EVL: variants seen among roughly 807,000 people sequenced by gnomAD.
The protein encoded by EVL is Enah/Vasp-like.
EVL carries 21 observed loss-of-function variants against 59.6 expected under a neutral mutation model. That is an observed-to-expected ratio of 0.35 (90% CI 0.25 to 0.51). The LOEUF (loss-of-function observed/expected upper bound fraction) is 0.51. EVL is among the 20% of genes least tolerant of loss of function. EVL has a pLI of 0.97. For synonymous variants in EVL, 198 were observed against 203.5 expected (o/e 0.97, Z 0.23); for missense variants, 462 against 546.6 (o/e 0.85, Z 1.54).
At chr14:100,137,542 C>G (rs756557917) in intron 9 of EVL, 36 bp from the exon 10 acceptor site, 1 of 1,610,326 alleles carries the variant, frequency 6.2e-7, no homozygotes, top group Non-Finnish European at 8.5e-7. Context: ...AGTCCCTTCA[C>G]CTGTGAGGTT....
chr14:99,994,538 A>G (rs1293215562), intron 1 of EVL, among the ~76,000 whole-genome samples: 9 of 134,736 alleles, frequency 6.7e-5, no homozygotes, highest in Non-Finnish European at 3.4e-5. Flanking sequence ...TGTTGCGTTA[A>G]AAACTCTACT....
chr14:100,082,386 A>T (rs1234467431), intron 1 of EVL, among the ~76,000 whole-genome samples: 2 of 151,928 alleles, frequency 1.3e-5, no homozygotes, highest in Non-Finnish European at 2.9e-5. Flanking sequence ...TGGCGAGGGG[A>T]CTGGTAGCTT....
chr14:99,984,245 G>A (rs955920048), intron 1 of EVL, among the ~76,000 whole-genome samples: 2 of 152,168 alleles, frequency 1.3e-5, no homozygotes, highest in Non-Finnish European at 2.9e-5. Context: ...CCTTACTGCT[G>A]CCATAAGACA....
upstream of EVL, among the ~76,000 whole-genome samples, chr14:100,061,354 G>T (rs1419228485): frequency 7.7e-6 from 1 of 130,296 alleles, no homozygotes; most frequent in Non-Finnish European, 1.6e-5. Flanking sequence ...GGCAGAGGTT[G>T]CAGTGAGCTG....
chr14:99,978,753 T>C (rs1359351370), intron 1 of EVL, among the ~76,000 whole-genome samples: 1 of 152,232 alleles, frequency 6.6e-6, no homozygotes, highest in Non-Finnish European at 1.5e-5. Context: ...AAAATGAAAG[T>C]AACGTATTAT....
chr14:100,091,167 C>T (rs2062556742), intron 2 of EVL, among the ~76,000 whole-genome samples: 1 of 152,160 alleles, frequency 6.6e-6, no homozygotes, highest in Non-Finnish European at 1.5e-5. Flanking sequence ...CTCTCTCTGC[C>T]TTTCTCCTGC....
At chr14:100,093,482 G>A (rs1412563115) in intron 2 of EVL, among the ~76,000 whole-genome samples, 1 of 152,086 alleles carries the variant, frequency 6.6e-6, no homozygotes, top group East Asian at 1.9e-4. Context: ...TGTCTTCAAA[G>A]CAGTCATAGA....
intron 9 of EVL, among the ~76,000 whole-genome samples, chr14:100,136,858 G>A (rs2140400918): frequency 6.6e-6 from 1 of 152,288 alleles, no homozygotes; most frequent in East Asian, 1.9e-4. Flanking sequence ...GTGCAAAGTG[G>A]TTTGCTCAAG....
chr14:100,072,445 G>A (rs989472642), intron 1 of EVL, among the ~76,000 whole-genome samples: 12 of 152,188 alleles, frequency 7.9e-5, no homozygotes, highest in Admixed American at 5.2e-4. Flanking sequence ...ATGTTGGCCA[G>A]GCTGATCTCG....
At chr14:100,098,525 G>A (rs1885976814) in intron 3 of EVL, among the ~76,000 whole-genome samples, 1 of 152,230 alleles carries the variant, frequency 6.6e-6, no homozygotes, top group South Asian at 2.1e-4. Flanking sequence ...GATACTTAGG[G>A]TAGACATTGG....
At chr14:100,002,577 A>G (rs903616592) in intron 1 of EVL, among the ~76,000 whole-genome samples, 24 of 152,220 alleles carry the variant, frequency 1.6e-4, no homozygotes, top group South Asian at 8.3e-4. Flanking sequence ...ATATTTGACA[A>G]TGCTTCCTGT....
chr14:100,096,261 G>C (rs1885807066), intron 2 of EVL, among the ~76,000 whole-genome samples: 1 of 152,222 alleles, frequency 6.6e-6, no homozygotes, highest in South Asian at 2.1e-4. Flanking sequence ...CCCAACCTCA[G>C]ATCACACAGT....
intron 3 of EVL, among the ~76,000 whole-genome samples, chr14:100,119,918 C>A (rs1277743862): frequency 6.6e-6 from 1 of 152,198 alleles, no homozygotes; most frequent in African/African-American, 2.4e-5. Context: ...CGCAGACCAT[C>A]GTTGCCATAC....
exon 1 of EVL, chr14:99,971,696 C>A (rs2060732919): frequency 6.7e-6 from 1 of 149,138 alleles, no homozygotes; most frequent in Non-Finnish European, 1.5e-5. Context: ...CTCAGGCGGA[C>A]GCGCACGCGT....
chr14:100,055,509 G>A (rs976223116), intron 1 of EVL, among the ~76,000 whole-genome samples: 1 of 152,160 alleles, frequency 6.6e-6, no homozygotes, highest in African/African-American at 2.4e-5. Flanking sequence ...CTGAAATCTT[G>A]TATACCTAAA....
chr14:100,047,513 G>A (rs969454950), intron 1 of EVL, among the ~76,000 whole-genome samples: 12 of 152,032 alleles, frequency 7.9e-5, no homozygotes, highest in Non-Finnish European at 1.2e-4. Context: ...CCATTGCTCC[G>A]GGACAGACAG....
intron 1 of EVL, among the ~76,000 whole-genome samples, chr14:100,031,493 A>G (rs1595588669): frequency 2.0e-5 from 3 of 152,260 alleles, no homozygotes; most frequent in Admixed American, 6.5e-5. Flanking sequence ...GAAAAGTGCT[A>G]TAACATGCTT....
intron 11 of EVL, chr14:100,139,213 C>T (rs1889007681): frequency 6.6e-6 from 1 of 152,218 alleles, no homozygotes; most frequent in Non-Finnish European, 1.5e-5. Flanking sequence ...GGAGCAAAGG[C>T]GGGCTGCCAT....
intron 1 of EVL, among the ~76,000 whole-genome samples, chr14:99,975,963 A>C (rs1010636286): frequency 6.6e-6 from 1 of 152,008 alleles, no homozygotes; most frequent in Non-Finnish European, 1.5e-5. Context: ...GCTGTATATA[A>C]TCTGCTATTA....
Sources: allele counts gnomAD v4.1 joint callset (sites outside exome capture counted in the v4.1 genomes callset), GRCh38; gene constraint gnomAD v4.1.1; transcripts MANE v1.5; gene names NCBI Gene and HGNC (gene_info 2026-07-23, HGNC 2026-07-21).